STK16: variants seen among roughly 807,000 people sequenced by gnomAD.
STK16 encodes the protein serine/threonine-protein kinase 16.
Under a neutral mutation model 37.8 loss-of-function variants are expected in STK16, and 28 were observed. That is an observed-to-expected ratio of 0.74 (90% confidence interval 0.55 to 1.02). STK16 has a LOEUF of 1.02. Among genes scored for constraint, STK16 ranks in the 50% least tolerant of loss-of-function variants. The pLI, the probability that STK16 is intolerant of heterozygous loss-of-function variation, is 0.00. For synonymous variants in STK16, 134 were observed against 155.0 expected (o/e 0.86, Z 1.01); for missense variants, 349 against 390.6 (o/e 0.89, Z 0.90).
At position 219,247,772 on chromosome 2, in the gene STK16, G is replaced by A; in HGVS notation, c.657+15G>A. The A allele has an allele frequency of 6.4e-7, 1 of 1,561,060 alleles. No homozygotes were observed. Among genetic ancestry groups the A allele is most frequent in the Middle Eastern group, 1.7e-4 (1 of 6,002 alleles). On this transcript the variant is annotated intron_variant, in intron 6 of 7. Coordinates refer to ENST00000396738, the MANE Select transcript of STK16 (RefSeq NM_001330213.2). Reference sequence around the variant, plus strand: ...CTGATGTCTGGGTGAGGAGCATGTGGGTGGGTATCTGGGTAGGGAGGGCTG... The same window carrying A: ...CTGATGTCTGGGTGAGGAGCATGTGAGTGGGTATCTGGGTAGGGAGGGCTG...
chr2:219,250,297 T>C lies in STK16; in HGVS notation c.*1738T>C. On this transcript the variant is annotated 3_prime_UTR_variant, in exon 8 of 8. Coordinates refer to ENST00000396738, the MANE Select transcript of STK16 (RefSeq NM_001330213.2). This position sits in a 1 kb window ranked among gnomAD's most constrained non-coding sequence, Gnocchi z 8.4. ...AACAAGAAACCGTGCAAGGAAACTG[T>C]TTATTTCGAAAGGATTTTGCAATAA... is the stretch of plus-strand genomic sequence containing the variant. The C allele has an allele frequency of 6.5e-7, 1 of 1,549,410 alleles. No individual in the cohort carries two copies. The highest frequency in any genetic ancestry group is 8.7e-7 in the Non-Finnish European group (1 of 1,147,588).
rs1485698760 is a variant in STK16, at chr2:219,246,062, C to T, written c.63C>T (p.Leu21=). Residue 21 remains leucine, a synonymous_variant, in exon 2 of 8, where the codon CTC becomes CTT. Transcript: ENST00000396738. This position sits in a 1 kb window ranked among gnomAD's most constrained non-coding sequence, Gnocchi z 4.5. ...GTVIIDNKRY[L]FIQKLGEGGF... Reference sequence around the variant, plus strand: ...TCATCATTGACAATAAGCGCTACCTCTTCATCCAGAAACTGGGGGAGGGGT... The same window carrying T: ...TCATCATTGACAATAAGCGCTACCTTTTCATCCAGAAACTGGGGGAGGGGT... 2 of 1,614,050 alleles carry T rather than the reference C, an allele frequency of 1.2e-6. No homozygotes were observed. Among genetic ancestry groups the T allele is most frequent in the African/African-American group, 2.7e-5 (2 of 75,042 alleles).
chr2:219,246,733 G>A lies in STK16; in HGVS notation c.163G>A (p.Glu55Lys), dbSNP rs35947471. ...CGCCCTGAAGCGAATCCTGTGTCAC[G>A]AGCAGCAGGACCGGGAGGAGGCCCA... is the stretch of plus-strand genomic sequence containing the variant. ...FYALKRILCH[E>K]QQDREEAQRE... The change falls in exon 3 of 8, where the codon GAG becomes AAG. Residue 55 changes from glutamate (E) to lysine (K), a missense_variant. Physicochemically the swap from Glu to Lys is moderately conservative, Grantham distance 56. Coordinates refer to ENST00000396738, the MANE Select transcript of STK16 (RefSeq NM_001330213.2). This position sits in a 1 kb window ranked among gnomAD's most constrained non-coding sequence, Gnocchi z 4.5. 3.0e-4 allele frequency: 491 copies of A among 1,614,098 alleles called. No individual in the cohort carries two copies. The highest frequency in any genetic ancestry group is 2.9e-4 in the Non-Finnish European group (343 of 1,180,052).
rs563637526 is a variant in STK16, at chr2:219,245,673, C to T, written c.-228C>T. 134 of 203,738 alleles carry T rather than the reference C, an allele frequency of 6.6e-4. No individual in the cohort carries two copies. The highest frequency in any genetic ancestry group is 3.0e-3 in the African/African-American group (130 of 43,002). The allele number at this position is 203,738 out of a possible 1,614,324, so 12.6% of individuals were successfully genotyped here. The stretch of plus-strand genomic sequence containing the variant: ...CGATGGGCGTGGGAGCGGGGGCTGC[C>T]CAAAGATGGGCTGGGGTTGGAGGAA... On this transcript the variant is annotated 5_prime_UTR_variant, in exon 1 of 8. Transcript: ENST00000396738.
In STK16 at chr2:219,246,585, C is replaced by A; in HGVS notation, c.87-72C>A. The A allele has an allele frequency of 7.8e-7, 1 of 1,284,144 alleles. No individual in the cohort carries two copies. Among genetic ancestry groups the A allele is most frequent in the Non-Finnish European group, 1.1e-6 (1 of 888,292 alleles). The allele number at this position is 1,284,144 out of a possible 1,614,324, so 79.5% of individuals were successfully genotyped here. On this transcript the variant is annotated intron_variant, in intron 2 of 7. Transcript: ENST00000396738. The surrounding 1 kb of genome is among the most constrained non-coding windows in gnomAD (Gnocchi z 4.5). ...AATGGGAAGGACACCCCACTCCCCA[C>A]CAGGAAATTTCTCTAGGTCCAAGCC...
Position 219,245,611 on chromosome 2 carries a change from G to A in STK16, c.-290G>A, listed in dbSNP as rs897928539. On this transcript the variant is annotated 5_prime_UTR_variant, in exon 1 of 8. Coordinates refer to ENST00000396738, the MANE Select transcript of STK16 (RefSeq NM_001330213.2). ...CCAGGAGTGGGCCTGAGCCTCGCACGTCCTCTGAAACTACGCTATGCTCTG... is the reference window on the plus strand; with the variant it reads ...CCAGGAGTGGGCCTGAGCCTCGCACATCCTCTGAAACTACGCTATGCTCTG... The A allele has an allele frequency of 1.2e-5, 2 of 165,744 alleles. No individual in the cohort carries two copies. The highest frequency in any genetic ancestry group is 4.8e-5 in the African/African-American group (2 of 41,730). The allele number at this position is 165,744 out of a possible 1,614,324, so 10.3% of individuals were successfully genotyped here.
chr2:219,248,221 T>C lies in STK16; in HGVS notation c.686T>C (p.Met229Thr). The change falls in exon 7 of 8, where the codon ATG becomes ACG. Residue 229 changes from methionine to threonine, a missense_variant. By Grantham distance (81) the Met-to-Thr change is moderately conservative (BLOSUM62 -1). Transcript: ENST00000396738. ...CTAGGCTGCGTGCTATATGCCATGA[T>C]GTTTGGGGAAGGCCCTTATGACATG... ...WSLGCVLYAM[M>T]FGEGPYDMVF... is the part of the protein sequence containing the mutation. The C allele has an allele frequency of 6.2e-7, 1 of 1,614,208 alleles. No homozygotes were observed. Among genetic ancestry groups the C allele is most frequent in the Non-Finnish European group, 8.5e-7 (1 of 1,180,024 alleles).
Position 219,248,280 on chromosome 2 carries a change from G to A in STK16, c.745G>A (p.Val249Met), listed in dbSNP as rs1239043202. 6.2e-7 allele frequency: 1 copy of A among 1,614,186 alleles called. No individual in the cohort carries two copies. Residue 249 changes from valine to methionine, a missense_variant, in exon 7 of 8, where the codon GTG becomes ATG. Coordinates refer to ENST00000396738, the MANE Select transcript of STK16 (RefSeq NM_001330213.2). ...FQKGDSVALA[V>M]QNQLSIPQSP... ...AAAGGGTGACAGTGTGGCCCTTGCT[G>A]TGCAGAACCAACTCAGCATCCCACA...
chr2:219,250,323 A>C lies in STK16; in HGVS notation c.*1764A>C. Reference sequence around the variant, plus strand: ...TTATTTCGAAAGGATTTTGCAATAAACATAGTGAATAGGCTCCAGGCAGCT... The same window carrying C: ...TTATTTCGAAAGGATTTTGCAATAACCATAGTGAATAGGCTCCAGGCAGCT... On this transcript the variant is annotated 3_prime_UTR_variant, in exon 8 of 8. Transcript: ENST00000396738. This position sits in a 1 kb window ranked among gnomAD's most constrained non-coding sequence, Gnocchi z 8.4. 1 of 1,577,648 alleles carries C rather than the reference A, an allele frequency of 6.3e-7. No individual in the cohort carries two copies.
chr2:219,247,949 G>GC (rs1418974071), intron 6 of STK16, 192 bp downstream of exon 6: 6 of 814,148 alleles, frequency 7.4e-6, no homozygotes, highest in Non-Finnish European at 1.0e-5. Context: ...TATAATCTGT[G>GC]CCCCTGAACA....
At chr2:219,248,356 C>T (rs1376204469) in intron 7 of STK16, 42 bp downstream of exon 7, 2 of 1,613,408 alleles carry the variant, frequency 1.2e-6, no homozygotes, top group African/African-American at 2.7e-5. Flanking sequence ...TTCAGACTCC[C>T]CCCTGGTATT....
rs764437002 is a variant in STK16 at position 219,246,641 on chromosome 2, C to T, written c.87-16C>T. The T allele has an allele frequency of 1.2e-6, 2 of 1,608,708 alleles. No homozygotes were observed. The highest frequency in any genetic ancestry group is 2.2e-5 in the East Asian group (1 of 44,864). On this transcript the variant is annotated splice_polypyrimidine_tract_variant and intron_variant, in intron 2 of 7. Transcript: ENST00000396738. The surrounding 1 kb of genome is among the most constrained non-coding windows in gnomAD (Gnocchi z 4.5). The stretch of plus-strand genomic sequence containing the variant: ...GGAGATGACCATGGCCCTTTATTGA[C>T]CCCTTTGGCCCACAGTGGGTTCAGC...
rs1951575785 is a variant in STK16 at position 219,248,024 on chromosome 2, G to A, written c.658-169G>A. 4 of 1,025,498 alleles carry A rather than the reference G, an allele frequency of 3.9e-6. No homozygotes were observed. In the South Asian group the frequency reaches 5.8e-5, roughly 15 times the overall value. The allele number at this position is 1,025,498 out of a possible 1,614,324, so 63.5% of individuals were successfully genotyped here. On this transcript the variant is annotated intron_variant, in intron 6 of 7. Transcript: ENST00000396738. ...TAAGCAGGGGCTAAGCTAAACAGGG[G>A]CTGCGGAGGCCTCCAGCTGACTGGC... is the stretch of plus-strand genomic sequence containing the variant.
At position 219,246,032 on chromosome 2, in the gene STK16, A is replaced by C; in HGVS notation, c.33A>C (p.Gly11=). ...ACGCGCTGTGTGTCTGCTCTCGGGG[A>C]ACTGTCATCATTGACAATAAGCGCT... MGHALCVCSR[G]TVIIDNKRYL... The change falls in exon 2 of 8, where the codon GGA becomes GGC. Residue 11 remains glycine, a synonymous_variant. Transcript: ENST00000396738. The surrounding 1 kb of genome is among the most constrained non-coding windows in gnomAD (Gnocchi z 4.5). The C allele has an allele frequency of 6.2e-7, 1 of 1,613,948 alleles. No homozygotes were observed. The highest frequency in any genetic ancestry group is 8.5e-7 in the Non-Finnish European group (1 of 1,179,934).
In STK16 at chr2:219,246,103, A is replaced by C; in HGVS notation, c.86+18A>C. On this transcript the variant is annotated intron_variant, in intron 2 of 7. Transcript: ENST00000396738. This position sits in a 1 kb window ranked among gnomAD's most constrained non-coding sequence, Gnocchi z 4.5. ...GGGGAGGGGTGAGTGTTTGGAAGTC[A>C]GTTAACTAGTCCTCAAGTTTATGAT... is the stretch of plus-strand genomic sequence containing the variant. The C allele has an allele frequency of 4.4e-6, 7 of 1,606,006 alleles. No individual in the cohort carries two copies. Among genetic ancestry groups the C allele is most frequent in the Non-Finnish European group, 6.0e-6 (7 of 1,173,210 alleles).
Position 219,248,751 on chromosome 2 carries a change from ACTG to A in STK16, c.*193_*195del. On this transcript the variant is annotated 3_prime_UTR_variant, in exon 8 of 8. Transcript: ENST00000396738. ...GAGCAAAACCTGGGCAAGGGGACTT[ACTG>A]AGTGGGGGTGGGTGGGGGTTGGGAA... 3.2e-6 allele frequency: 1 copy of A among 313,722 alleles called. No homozygotes were observed. Among genetic ancestry groups the A allele is most frequent in the Non-Finnish European group, 6.2e-6 (1 of 160,494 alleles). 19.4% of individuals were successfully genotyped at this position (313,722 alleles called of 1,614,324 possible).
At position 219,250,095 on chromosome 2, in the gene STK16, T is replaced by C. The variant is rs1303877678; in HGVS notation, c.*1536T>C. 1 of 520,240 alleles carries C rather than the reference T, an allele frequency of 1.9e-6. No homozygotes were observed. The highest frequency in any genetic ancestry group is 3.4e-6 in the Non-Finnish European group (1 of 293,160). The allele number at this position is 520,240 out of a possible 1,614,324, so 32.2% of individuals were successfully genotyped here. A position where few individuals can be genotyped will look rare whatever the true frequency, so the allele number is the denominator to read the frequency against. On this transcript the variant is annotated 3_prime_UTR_variant, in exon 8 of 8. Transcript: ENST00000396738. This position sits in a 1 kb window ranked among gnomAD's most constrained non-coding sequence, Gnocchi z 8.4. Reference sequence around the variant, plus strand: ...TGGATTTTGGTCCTCATTTCCTCCCTATACTGAGTAACCCTAGGACTTCAA... The same window carrying C: ...TGGATTTTGGTCCTCATTTCCTCCCCATACTGAGTAACCCTAGGACTTCAA...
chr2:219,247,478 T>C lies in STK16; in HGVS notation c.504T>C (p.Gly168=). ...GGCAGCCAGTTTTAATGGACTTGGGTTCCATGAATCAAGCATGCATCCATG... is the reference window on the plus strand; with the variant it reads ...GGCAGCCAGTTTTAATGGACTTGGGCTCCATGAATCAAGCATGCATCCATG... ...DEGQPVLMDL[G]SMNQACIHVE... is the part of the protein sequence containing the mutation. The change falls in exon 5 of 8, where the codon GGT becomes GGC. Residue 168 remains glycine (G), a synonymous_variant. Transcript: ENST00000396738. 6.2e-7 allele frequency: 1 copy of C among 1,614,120 alleles called. No individual in the cohort carries two copies. Among genetic ancestry groups the C allele is most frequent in the Non-Finnish European group, 8.5e-7 (1 of 1,179,994 alleles).
chr2:219,245,486 C>T lies in STK16; in HGVS notation c.-415C>T, dbSNP rs1951506680. 1.3e-5 allele frequency: 2 copies of T among 153,104 alleles called. No individual in the cohort carries two copies. The highest frequency in any genetic ancestry group is 4.8e-5 in the African/African-American group (2 of 41,478). The allele number at this position is 153,104 out of a possible 1,614,324, so 9.5% of individuals were successfully genotyped here. A position where few individuals can be genotyped will look rare whatever the true frequency, so the allele number is the denominator to read the frequency against. On this transcript the variant is annotated 5_prime_UTR_variant, in exon 1 of 8. Coordinates refer to ENST00000396738, the MANE Select transcript of STK16 (RefSeq NM_001330213.2). Reference sequence around the variant, plus strand: ...GCGCGGACTGATGATGTCAGCACTGCTTCCGGTCGGTGGCGCTTCTCTCTG... The same window carrying T: ...GCGCGGACTGATGATGTCAGCACTGTTTCCGGTCGGTGGCGCTTCTCTCTG...
Sources: gnomAD v4.1 joint callset for allele counts on GRCh38, gnomAD v4.1.1 for gene constraint, Gnocchi (gnomAD v3.1) non-coding constraint, MANE v1.5 for transcripts, NCBI Gene and HGNC (gene_info 2026-07-23, HGNC 2026-07-21) for gene names.